Variants in NEU4 observed in about 807,000 individuals in gnomAD.
The protein encoded by NEU4 is sialidase-4.
A neutral mutation model predicts 9.9 loss-of-function variants in NEU4; 7 were observed. That is an observed-to-expected ratio of 0.71 (90% CI 0.40 to 1.33). The LOEUF (loss-of-function observed/expected upper bound fraction) is 1.33, where lower values mean the gene tolerates loss of function less well. Among genes scored for constraint, NEU4 ranks in the 40% most tolerant of loss-of-function variants. The pLI is 0.01. For synonymous variants in NEU4, 348 were observed against 316.9 expected, an observed-to-expected ratio of 1.10 and a Z score of -1.04; for missense variants, 717 against 712.6, an observed-to-expected ratio of 1.01 and a Z score of -0.07.
At chr2:241,816,019 A>G in intron 3 of NEU4, 32 bp from the exon 4 acceptor site, 1 of 1,544,464 alleles carries the variant, frequency 6.5e-7, no homozygotes, top group South Asian at 1.2e-5. Flanking sequence ...GGGACCCAGC[A>G]GCCCCTCCCA....
Position 241,814,780 on chromosome 2 carries a change from G to T in NEU4, c.201+95G>T, listed in dbSNP as rs1317876109. On this transcript the variant is annotated intron_variant, in intron 2 of 3. Coordinates refer to ENST00000407683, the MANE Select transcript of NEU4 (RefSeq NM_001167600.3). ...GGGGCGGGGGTGGCGGCGGCAGGCA[G>T]ATGCCCGAGGTAGAGATGAGCAAAC... is the stretch of plus-strand genomic sequence containing the variant. 19 of 1,521,570 alleles carry T rather than the reference G, an allele frequency of 1.2e-5. No individual in the cohort carries two copies. In the Admixed American group the frequency reaches 3.6e-4, roughly 29 times the overall value. The allele number at this position is 1,521,570 out of a possible 1,614,324, so 94.3% of individuals were successfully genotyped here. A position where few individuals can be genotyped will look rare whatever the true frequency, so the allele number is the denominator to read the frequency against.
At position 241,815,128 on chromosome 2, in the gene NEU4, C is replaced by T. The variant is rs746748288; in HGVS notation, c.438C>T (p.Ala146=). 2.8e-5 allele frequency: 44 copies of T among 1,568,770 alleles called. No homozygotes were observed. In the African/African-American group the frequency reaches 4.8e-4, roughly 17 times the overall value. Residue 146 remains alanine (A), a synonymous_variant, in exon 3 of 4, where the codon GCC becomes GCT. Transcript: ENST00000407683. The part of the protein sequence containing the change: ...WGSARDLTEE[A]IGGAVQDWAT... The stretch of plus-strand genomic sequence containing the variant: ...GCGCCCGGGACCTCACCGAGGAGGC[C>T]ATCGGTGGTGCCGTGCAGGGTAGGC...
intron 1 of NEU4, 92 bp from the exon 2 acceptor site, chr2:241,814,390 C>T (rs2125214786): frequency 8.0e-7 from 1 of 1,244,424 alleles, no homozygotes; most frequent in Non-Finnish European, 1.1e-6. Flanking sequence ...GCTGTCTGCA[C>T]CTCCTGAGCG....
intron 2 of NEU4, 77 bp from the exon 3 acceptor site, chr2:241,814,815 C>G: frequency 6.5e-7 from 1 of 1,548,126 alleles, no homozygotes. Flanking sequence ...CCAGGCTCAG[C>G]GATCCTGGGT....
Position 241,814,625 on chromosome 2 carries a change from C to A in NEU4, c.141C>A (p.Asp47Glu). The A allele has an allele frequency of 6.2e-7, 1 of 1,600,366 alleles. No individual in the cohort carries two copies. The highest frequency in any genetic ancestry group is 1.1e-5 in the South Asian group (1 of 89,590). The change falls in exon 2 of 4, where the codon GAC becomes GAA. Residue 47 changes from aspartate (D) to glutamate (E), a missense_variant. Coordinates refer to ENST00000407683, the MANE Select transcript of NEU4 (RefSeq NM_001167600.3). ...LAFVEQRLSP[D>E]DSHAHRLVLR... The stretch of plus-strand genomic sequence containing the variant: ...TTGTGGAGCAGCGGCTCAGCCCTGA[C>A]GACTCCCACGCCCACCGCCTGGTGC...
intron 1 of NEU4, chr2:241,813,312 C>T: frequency 1.9e-6 from 2 of 1,038,062 alleles, no homozygotes; most frequent in Non-Finnish European, 2.3e-6. Flanking sequence ...CGGCCATCTC[C>T]CTCCTCCCTC....
At chr2:241,815,861 G>A (rs3749153) in intron 3 of NEU4, 190 bp from the exon 4 acceptor site, 381,491 of 635,270 alleles carry the variant, frequency 0.6, 115,879 homozygotes, top group Non-Finnish European at 0.63. Flanking sequence ...GGCTGCTAAG[G>A]GCTGTGAGAG....
chr2:241,811,643 A>C (rs776552064), intron 1 of NEU4: 2 of 429,856 alleles, frequency 4.7e-6, no homozygotes, highest in Non-Finnish European at 8.0e-6. Flanking sequence ...GGCGGGCTGC[A>C]GGGATTCCGA....
intron 3 of NEU4, 29 bp downstream of exon 3, chr2:241,815,176 C>G: frequency 1.3e-6 from 2 of 1,509,386 alleles, no homozygotes; most frequent in Non-Finnish European, 1.8e-6. Flanking sequence ...GGTCTGGGTC[C>G]CTTTGATTGG....
chr2:241,811,657 C>T (rs1700120459), intron 1 of NEU4: 4 of 421,442 alleles, frequency 9.5e-6, no homozygotes, highest in Non-Finnish European at 1.6e-5. Context: ...ATTCCGAGGG[C>T]CCCTCCAGCA....
intron 3 of NEU4, chr2:241,815,584 A>G (rs1453891583): frequency 2.0e-6 from 1 of 501,128 alleles, no homozygotes; most frequent in Admixed American, 2.3e-5. Context: ...TCCCAAACCA[A>G]CAGCCACCCC....
rs923165577 is a variant in NEU4, at chr2:241,817,381, G to A, written c.*333G>A. ...AGCACTTGTTTACTGGCTGCTTTCT[G>A]GCTCGAAATAAAGGAATCGTGCTTG... On this transcript the variant is annotated 3_prime_UTR_variant, in exon 4 of 4. Coordinates refer to ENST00000407683, the MANE Select transcript of NEU4 (RefSeq NM_001167600.3). 2 of 389,086 alleles carry A rather than the reference G, an allele frequency of 5.1e-6. No homozygotes were observed. The highest frequency in any genetic ancestry group is 9.1e-6 in the Non-Finnish European group (2 of 218,734). 24.1% of individuals were successfully genotyped at this position (389,086 alleles called of 1,614,324 possible).
In NEU4 at chr2:241,814,581, G is replaced by C. The variant is rs371657452; in HGVS notation, c.97G>C (p.Gly33Arg). The C allele has an allele frequency of 6.2e-7, 1 of 1,612,102 alleles. No individual in the cohort carries two copies. Among genetic ancestry groups the C allele is most frequent in the African/African-American group, 1.3e-5 (1 of 74,910 alleles). ...RVPSLLPVPPGPTLLAFVEQR... is the reference protein window; with the variant it reads ...RVPSLLPVPPRPTLLAFVEQR... ...GCCCTCGCTGCTCCCCGTGCCCCCCGGGCCCACCCTGCTGGCCTTTGTGGA... is the reference window on the plus strand; with the variant it reads ...GCCCTCGCTGCTCCCCGTGCCCCCCCGGCCCACCCTGCTGGCCTTTGTGGA... The change falls in exon 2 of 4, where the codon GGG becomes CGG. Residue 33 changes from glycine (G) to arginine (R), a missense_variant. Gly to Arg is a moderately radical substitution (Grantham distance 125). Coordinates refer to ENST00000407683, the MANE Select transcript of NEU4 (RefSeq NM_001167600.3).
intron 3 of NEU4, 51 bp downstream of exon 3, chr2:241,815,198 A>G (rs1239544094): frequency 6.7e-6 from 10 of 1,487,120 alleles, no homozygotes; most frequent in Non-Finnish European, 8.9e-6. Flanking sequence ...CACGGTCCAC[A>G]TGGAAGGGAG....
Position 241,815,949 on chromosome 2 carries a change from C to T in NEU4, c.458-102C>T, listed in dbSNP as rs1700310455. 54 of 1,201,846 alleles carry T rather than the reference C, an allele frequency of 4.5e-5. 1 individual carries two copies. In the South Asian group the frequency reaches 7.6e-4, roughly 17 times the overall value. The allele number at this position is 1,201,846 out of a possible 1,614,324, so 74.4% of individuals were successfully genotyped here. A position where few individuals can be genotyped will look rare whatever the true frequency, so the allele number is the denominator to read the frequency against. ...GCGGTCAGAGTGCGATGGTCCTAAC[C>T]CGAGGCACCAGCCCCTCCTTCCCCG... On this transcript the variant is annotated intron_variant, in intron 3 of 3. Coordinates refer to ENST00000407683, the MANE Select transcript of NEU4 (RefSeq NM_001167600.3).
At chr2:241,815,988 TCCTC>T in intron 3 of NEU4, 59 bp from the exon 4 acceptor site, 1 of 1,473,298 alleles carries the variant, frequency 6.8e-7, no homozygotes. Context: ...CCCTGTGCCT[TCCTC>T]CAGCCCCCCG....
In NEU4 at chr2:241,814,660, G is replaced by T; in HGVS notation, c.176G>T (p.Gly59Val). The stretch of plus-strand genomic sequence containing the variant: ...GCCCACCGCCTGGTGCTGAGGAGGG[G>T]CACGCTGGCCGGGGGCTCCGTGCGG... ...SHAHRLVLRR[G>V]TLAGGSVRWG... The change falls in exon 2 of 4, where the codon GGC becomes GTC. Residue 59 changes from glycine to valine, a missense_variant. By Grantham distance (109) the Gly-to-Val change is moderately radical. Coordinates refer to ENST00000407683, the MANE Select transcript of NEU4 (RefSeq NM_001167600.3). 6.4e-7 allele frequency: 1 copy of T among 1,567,150 alleles called. No individual in the cohort carries two copies.
intron 1 of NEU4, chr2:241,809,610 C>T (rs891553219): frequency 1.3e-4 from 36 of 282,228 alleles, no homozygotes; most frequent in Middle Eastern, 1.3e-3. Context: ...TCTGAGCAGC[C>T]GTGGGCCATG....
intron 1 of NEU4, chr2:241,811,820 T>G: frequency 3.8e-6 from 1 of 265,302 alleles, no homozygotes; most frequent in Non-Finnish European, 7.1e-6. Flanking sequence ...GCCCACAGGG[T>G]CGTTCTGCAG....
Sources: allele counts gnomAD v4.1 joint callset, GRCh38; gene constraint gnomAD v4.1.1; transcripts MANE v1.5; gene names NCBI Gene and HGNC (gene_info 2026-07-23, HGNC 2026-07-21).